NDUFA6: variants seen among roughly 807,000 people sequenced by gnomAD.
NDUFA6 encodes the protein NADH dehydrogenase [ubiquinone] 1 alpha subcomplex subunit 6.
NDUFA6 carries 10 observed loss-of-function variants against 12.5 expected under a neutral mutation model. The ratio of observed to expected loss-of-function variants is 0.80; its 90% CI spans 0.49 to 1.35. NDUFA6 has a LOEUF of 1.35. NDUFA6 is among the 40% of genes most tolerant of loss of function. The pLI is 0.00. For synonymous variants in NDUFA6, 66 were observed against 63.0 expected, an observed-to-expected ratio of 1.05 and a Z score of -0.23; for missense variants, 177 against 173.5, an observed-to-expected ratio of 1.02 and a Z score of -0.11.
chr22:42,087,068 C>A lies in NDUFA6; in HGVS notation c.247G>T (p.Val83Phe). ...VTDPRVVDLL[V>F]IKGKIELEET... ...CAGGGAGGGTCAGTTACCTTAATGA[C>A]CAGAAGATCAACCACCCTGGGGTCT... The change falls in exon 2 of 3, where the codon GTC (valine) becomes TTC (phenylalanine). Residue 83 changes from valine (V) to phenylalanine (F), a missense_variant. By Grantham distance (50) the Val-to-Phe change is conservative. Transcript: ENST00000498737. 1.2e-6 allele frequency: 2 copies of A among 1,611,450 alleles called. No individual in the cohort carries two copies. The highest frequency in any genetic ancestry group is 1.7e-6 in the Non-Finnish European group (2 of 1,177,622).
At chr22:42,086,944 C>A (rs1928285970) in intron 2 of NDUFA6, 116 bp downstream of exon 2, 1 of 786,066 alleles carries the variant, frequency 1.3e-6, no homozygotes, top group Non-Finnish European at 2.3e-6. Flanking sequence ...CAGCAATAAT[C>A]ACTGCCGAAC....
intron 1 of NDUFA6, among the ~76,000 whole-genome samples, chr22:42,088,514 G>A (rs1928414836): frequency 6.6e-6 from 1 of 152,154 alleles, no homozygotes; most frequent in Admixed American, 6.5e-5. Context: ...GAGGTCAGGA[G>A]TTCAAGACAG....
rs145291713 is a variant in NDUFA6 at position 42,087,807 on chromosome 22, A to T, written c.140-632T>A. Among the ~76,000 whole-genome samples the T allele has an allele frequency of 2.8e-3, 393 of 138,258 alleles. 2 individuals carry two copies. Among genetic ancestry groups the T allele is most frequent in the African/African-American group, 1.0e-2 (366 of 36,678 alleles). 90.7% of individuals were successfully genotyped at this position (138,258 alleles called of 152,430 possible). ...ACAGAGCGAGACTCCGTCTCAAAAA[A>T]AATAATAATTATTTTATTAGCTGGG... On this transcript the variant is annotated intron_variant, in intron 1 of 2. Transcript: ENST00000498737.
chr22:42,088,441 T>A (rs913035457), intron 1 of NDUFA6, among the ~76,000 whole-genome samples: 32 of 151,326 alleles, frequency 2.1e-4, no homozygotes, highest in Admixed American at 1.6e-3. Flanking sequence ...TTTTATTAGC[T>A]GGGCGCGGTG....
rs1569463838 is a variant in NDUFA6 at position 42,086,237 on chromosome 22, TTC to T, written c.331_332del (p.Glu111SerfsTer35). On this transcript the variant is annotated frameshift_variant, in exon 3 of 3. Transcript: ENST00000498737. LOFTEE classifies it high-confidence loss of function. ...ATAGGAAATCCTTTGGCCTTGGCGC[TTC>T]TGTTTCATGGAAGAACCGCATAACA... ...THVMRFFHETEAPRPKDFLSK... is the reference protein window; with the variant it reads ...THVMRFFHETXAPRPKDFLSK... 4 of 1,614,250 alleles carry T rather than the reference TTC, an allele frequency of 2.5e-6. No homozygotes were observed. Among genetic ancestry groups the T allele is most frequent in the Non-Finnish European group, 2.5e-6 (3 of 1,180,044 alleles).
At position 42,087,157 on chromosome 22, in the gene NDUFA6, T is replaced by A. The variant is rs1928306722; in HGVS notation, c.158A>T (p.Asp53Val). 1.2e-6 allele frequency: 2 copies of A among 1,613,740 alleles called. No homozygotes were observed. Among genetic ancestry groups the A allele is most frequent in the Non-Finnish European group, 1.7e-6 (2 of 1,179,738 alleles). ...ATCCCGTCCCATTTTCACAGTGATG[T>A]CCAGCTGGAATTGGTGCACTAGAGA... ...VPNTVHQFQL[D>V]ITVKMGRDKV... is the part of the protein sequence containing the mutation. The change falls in exon 2 of 3, where the codon GAC becomes GTC. Residue 53 changes from aspartate to valine, a missense_variant. Asp to Val is a radical substitution (Grantham distance 152, BLOSUM62 -3). Around this residue, in one of 3 missense-constraint regions of NDUFA6, gnomAD observed 111 missense variants for 87.2 expected, o/e 1.27. Transcript: ENST00000498737.
In NDUFA6 at chr22:42,088,614, G is replaced by T. The variant is rs541549230; in HGVS notation, c.140-1439C>A. Among the ~76,000 whole-genome samples, 6 of 151,336 alleles carry T rather than the reference G, an allele frequency of 4.0e-5. No individual in the cohort carries two copies. The South Asian group carries it at 1.2e-3, about 32-fold the overall frequency. On this transcript the variant is annotated intron_variant, in intron 1 of 2. Transcript: ENST00000498737. Reference sequence around the variant, plus strand: ...CGCAACTATAATCCCAGCTACTCGGGAGGCTGAGGCATGGGGAAATCACTT... The same window carrying T: ...CGCAACTATAATCCCAGCTACTCGGTAGGCTGAGGCATGGGGAAATCACTT...
intron 2 of NDUFA6, 97 bp downstream of exon 2, chr22:42,086,963 G>A (rs774005753): frequency 6.7e-6 from 6 of 889,844 alleles, no homozygotes; most frequent in Non-Finnish European, 1.1e-5. Context: ...ACCAGTAGCT[G>A]CTTTCTAAAC....
At chr22:42,088,413 C>CA (rs34569405) in intron 1 of NDUFA6, among the ~76,000 whole-genome samples, 2 of 149,472 alleles carry the variant, frequency 1.3e-5, no homozygotes, top group African/African-American at 2.5e-5. Context: ...GACTCCGTCT[C>CA]AAAAAAAATA....
At chr22:42,090,572 C>T in intron 1 of NDUFA6, 34 bp downstream of exon 1, 1 of 1,611,286 alleles carries the variant, frequency 6.2e-7, no homozygotes, top group Non-Finnish European at 8.5e-7. Flanking sequence ...TGAGCGGCGG[C>T]CTCCGGGTCC....
intron 1 of NDUFA6, among the ~76,000 whole-genome samples, chr22:42,087,880 G>C (rs572652054): frequency 6.6e-6 from 1 of 150,924 alleles, no homozygotes; most frequent in African/African-American, 2.4e-5. Context: ...GGCCAAGGCA[G>C]GTGGATCACC....
chr22:42,090,561 T>TTGAGCGGCGGCCTCCGGGTCCCCACG, intron 1 of NDUFA6, 45 bp downstream of exon 1: 2 of 1,608,822 alleles, frequency 1.2e-6, no homozygotes, highest in Non-Finnish European at 1.7e-6. Context: ...GGCTACGACC[T>TTGAGCGGCGGCCTCCGGGTCCCCACG]TGAGCGGCGG....
intron 1 of NDUFA6, 97 bp downstream of exon 1, chr22:42,090,509 T>G (rs1928572439): frequency 3.5e-6 from 5 of 1,436,378 alleles, no homozygotes; most frequent in Middle Eastern, 2.2e-4. Context: ...TCTGCCCAAG[T>G]TGGTGACCTC....
rs114906790 is a variant in NDUFA6 at position 42,085,822 on chromosome 22, T to C, written c.*361A>G. On this transcript the variant is annotated 3_prime_UTR_variant, in exon 3 of 3. Transcript: ENST00000498737. Reference sequence around the variant, plus strand: ...CCTGACAGGAAGAGCTGGCTAATTTTAGATAATCTGTGCCCTGACACTGAA... The same window carrying C: ...CCTGACAGGAAGAGCTGGCTAATTTCAGATAATCTGTGCCCTGACACTGAA... 8.1e-4 allele frequency: 295 copies of C among 363,172 alleles called. No homozygotes were observed. Among genetic ancestry groups the C allele is most frequent in the African/African-American group, 5.8e-3 (274 of 47,648 alleles). The allele number at this position is 363,172 out of a possible 1,614,324, so 22.5% of individuals were successfully genotyped here.
chr22:42,087,211 A>G, intron 1 of NDUFA6, 36 bp from the exon 2 acceptor site: 3 of 1,438,244 alleles, frequency 2.1e-6, no homozygotes, highest in Non-Finnish European at 2.0e-6. Context: ...TAGAAATTGT[A>G]TGGTTAAATA....
At chr22:42,087,845 C>A (rs1334017571) in intron 1 of NDUFA6, among the ~76,000 whole-genome samples, 1 of 151,186 alleles carries the variant, frequency 6.6e-6, no homozygotes, top group South Asian at 2.1e-4. Flanking sequence ...CGGTGGCTCA[C>A]GCCTGTAATC....
intron 1 of NDUFA6, among the ~76,000 whole-genome samples, chr22:42,088,915 T>G (rs533396527): frequency 1.3e-5 from 2 of 152,066 alleles, no homozygotes; most frequent in African/African-American, 4.8e-5. Flanking sequence ...TGGCACAGGT[T>G]TGAGTAACTG....
chr22:42,087,785 G>A (rs1279220038), intron 1 of NDUFA6, among the ~76,000 whole-genome samples: 1 of 148,440 alleles, frequency 6.7e-6, no homozygotes, highest in East Asian at 2.0e-4. Flanking sequence ...CTGGGTGACA[G>A]AGCGAGACTC....
intron 1 of NDUFA6, among the ~76,000 whole-genome samples, chr22:42,088,848 C>T (rs1928443046): frequency 6.6e-6 from 1 of 151,868 alleles, no homozygotes; most frequent in Non-Finnish European, 1.5e-5. Flanking sequence ...ACTTATTCCC[C>T]TTCCTTGATT....
Sources: allele counts gnomAD v4.1 joint callset (sites outside exome capture counted in the v4.1 genomes callset), GRCh38; gene constraint gnomAD v4.1.1; regional missense constraint gnomAD v4.1.1; transcripts MANE v1.5; gene names NCBI Gene and HGNC (gene_info 2026-07-23, HGNC 2026-07-21).